Variants in AIM2 observed in about 807,000 individuals in gnomAD.
The protein encoded by AIM2 is interferon-inducible protein AIM2.
In AIM2, 30 loss-of-function variants were observed where a neutral mutation model predicts 27.7. The ratio of observed to expected loss-of-function variants is 1.08; its 90% CI spans 0.81 to 1.47. The LOEUF is 1.47. AIM2 is among the 40% of genes most tolerant of loss of function. AIM2 has a pLI of 0.00. For missense variants in AIM2, 358 were observed against 411.3 expected (o/e 0.87, Z 1.12); for synonymous variants, 141 against 145.3 (o/e 0.97, Z 0.21).
intron 1 of AIM2, among the ~76,000 whole-genome samples, chr1:159,089,403 T>C (rs1382628069): frequency 6.6e-6 from 1 of 152,176 alleles, no homozygotes; most frequent in Non-Finnish European, 1.5e-5. Context: ...GGTGGCAAGA[T>C]GAAGAAGTTC....
intron 2 of AIM2, 131 bp downstream of exon 2, chr1:159,073,107 G>A: frequency 9.0e-7 from 1 of 1,112,986 alleles, no homozygotes; most frequent in Non-Finnish European, 1.3e-6. Flanking sequence ...GGGGCAAAGA[G>A]ACAGGTGCAC....
At chr1:159,126,491 C>CA (rs1376166370) in intron 1 of AIM2, among the ~76,000 whole-genome samples, 2 of 151,146 alleles carry the variant, frequency 1.3e-5, no homozygotes, top group Admixed American at 6.6e-5. Context: ...ACTAAAAATA[C>CA]AAAAAAAATT....
At chr1:159,091,676 G>A (rs1419283098) in intron 1 of AIM2, among the ~76,000 whole-genome samples, 1 of 152,214 alleles carries the variant, frequency 6.6e-6, no homozygotes, top group African/African-American at 2.4e-5. Flanking sequence ...GATGCCCTTG[G>A]GGGAAGGTAT....
chr1:159,069,976 T>C (rs4657695), intron 2 of AIM2, among the ~76,000 whole-genome samples: 2 of 152,216 alleles, frequency 1.3e-5, no homozygotes, highest in Non-Finnish European at 2.9e-5. Flanking sequence ...CAACACCTGC[T>C]GTCAGAGGGA....
chr1:159,104,898 T>C (rs914095267), intron 1 of AIM2, among the ~76,000 whole-genome samples: 2 of 152,186 alleles, frequency 1.3e-5, no homozygotes, highest in African/African-American at 4.8e-5. Flanking sequence ...ACCTACGACA[T>C]AGAGTTGGTG....
At chr1:159,109,715 G>GA (rs375985129) in intron 1 of AIM2, among the ~76,000 whole-genome samples, 15 of 150,276 alleles carry the variant, frequency 1.0e-4, no homozygotes, top group Non-Finnish European at 1.8e-4. Context: ...AAATCAACAA[G>GA]AAAAAAAAAT....
At chr1:159,114,034 C>A (rs999184561) in intron 1 of AIM2, among the ~76,000 whole-genome samples, 1 of 152,134 alleles carries the variant, frequency 6.6e-6, no homozygotes, top group East Asian at 1.9e-4. Context: ...CAGTTTTTCT[C>A]GTATTAGCTT....
intron 1 of AIM2, among the ~76,000 whole-genome samples, chr1:159,138,327 TTC>T (rs1648049871): frequency 6.6e-6 from 1 of 152,130 alleles, no homozygotes; most frequent in South Asian, 2.1e-4. Context: ...CTCTTGCTGT[TTC>T]TCTGTTTGAA....
intron 1 of AIM2, 145 bp from the exon 2 acceptor site, chr1:159,073,664 ACTT>A: frequency 1.3e-6 from 1 of 766,596 alleles, no homozygotes; most frequent in Non-Finnish European, 2.0e-6. Context: ...ATAGGTAAGA[ACTT>A]CTTAAGCAAG....
chr1:159,079,098 CAG>C (rs1656712656), upstream of AIM2, among the ~76,000 whole-genome samples: 2 of 147,756 alleles, frequency 1.4e-5, no homozygotes, highest in Admixed American at 6.7e-5. Context: ...AAAAAAAAAA[CAG>C]AAAACAAATC....
intron 1 of AIM2, among the ~76,000 whole-genome samples, chr1:159,131,655 A>G (rs1647888634): frequency 6.6e-6 from 1 of 152,200 alleles, no homozygotes; most frequent in South Asian, 2.1e-4. Flanking sequence ...AGACATATTC[A>G]TTTCAGTTGG....
intron 4 of AIM2, among the ~76,000 whole-genome samples, chr1:159,065,398 G>T (rs900978876): frequency 6.6e-6 from 1 of 151,972 alleles, no homozygotes; most frequent in Non-Finnish European, 1.5e-5. Flanking sequence ...TTGCATTTTT[G>T]ACATTAAAGT....
intron 1 of AIM2, among the ~76,000 whole-genome samples, chr1:159,094,242 C>T (rs886419834): frequency 5.3e-5 from 8 of 152,238 alleles, no homozygotes; most frequent in African/African-American, 1.7e-4. Flanking sequence ...TGCAGTTTTT[C>T]CCATTTAAAA....
intron 1 of AIM2, chr1:159,122,163 A>G (rs929469048): frequency 2.0e-5 from 3 of 152,140 alleles, no homozygotes; most frequent in African/African-American, 7.2e-5. Context: ...AGTTGCATTA[A>G]TCTCAGTGAC....
At chr1:159,067,041 T>C (rs866476355) in intron 3 of AIM2, among the ~76,000 whole-genome samples, 3 of 152,200 alleles carry the variant, frequency 2.0e-5, no homozygotes, top group East Asian at 1.9e-4. Flanking sequence ...ATAGATTTGG[T>C]TAAATAAAAT....
chr1:159,100,230 TA>T (rs1657283147), intron 1 of AIM2, among the ~76,000 whole-genome samples: 1 of 152,220 alleles, frequency 6.6e-6, no homozygotes, highest in Non-Finnish European at 1.5e-5. Flanking sequence ...CCTTCACCTA[TA>T]AAACACTTTC....
chr1:159,086,033 A>G (rs112185079), intron 1 of AIM2, among the ~76,000 whole-genome samples: 169 of 152,342 alleles, frequency 1.1e-3, no homozygotes, highest in South Asian at 3.3e-3. Flanking sequence ...TTTGTTGATT[A>G]TACCTCAATA....
chr1:159,119,238 G>A (rs977175220), intron 1 of AIM2, among the ~76,000 whole-genome samples: 6 of 152,026 alleles, frequency 3.9e-5, no homozygotes, highest in Non-Finnish European at 7.4e-5. Context: ...GAGATTTTGA[G>A]GTTGTTTGTT....
At chr1:159,137,236 G>T (rs572881764) in intron 1 of AIM2, among the ~76,000 whole-genome samples, 5 of 152,282 alleles carry the variant, frequency 3.3e-5, no homozygotes, top group African/African-American at 1.2e-4. Context: ...TTGTTATAAT[G>T]ATTGGGGGCC....
Sources: gnomAD v4.1 joint callset for allele counts (sites outside exome capture counted in the v4.1 genomes callset) on GRCh38, gnomAD v4.1.1 for gene constraint, MANE v1.5 for transcripts, NCBI Gene and HGNC (gene_info 2026-07-23, HGNC 2026-07-21) for gene names.